Variants in TBC1D23 observed in about 807,000 individuals in gnomAD.
The protein encoded by TBC1D23 is TBC1 domain family member 23.
A neutral mutation model predicts 91.4 loss-of-function variants in TBC1D23; 55 were observed. The ratio of observed to expected loss-of-function variants is 0.60; its 90% CI spans 0.48 to 0.75. The LOEUF is 0.75. Ranked by LOEUF, TBC1D23 falls within the 30% of genes least tolerant of loss-of-function variation. The pLI is 0.00. For synonymous variants in TBC1D23, 289 were observed against 281.0 expected (o/e 1.03, Z -0.28); for missense variants, 725 against 836.1 (o/e 0.87, Z 1.64).
intron 13 of TBC1D23, 119 bp downstream of exon 13, chr3:100,306,662 A>G: frequency 1.7e-6 from 1 of 590,046 alleles, no homozygotes; most frequent in Non-Finnish European, 3.1e-6. Context: ...CATGCAATGA[A>G]GAGTCATATT....
chr3:100,295,688 A>G (rs2067832895), intron 7 of TBC1D23, among the ~76,000 whole-genome samples: 1 of 152,004 alleles, frequency 6.6e-6, no homozygotes, highest in South Asian at 2.1e-4. Context: ...CAATTGTGAA[A>G]CCTTGGTTCT....
At chr3:100,301,759 T>G (rs1311443831) in intron 10 of TBC1D23, 1 of 248,318 alleles carries the variant, frequency 4.0e-6, no homozygotes, top group Non-Finnish European at 7.6e-6. Flanking sequence ...TGTCTTGATA[T>G]CTAAGGATAC....
At chr3:100,306,614 C>T (rs544026034) in intron 13 of TBC1D23, 71 bp downstream of exon 13, 5 of 819,248 alleles carry the variant, frequency 6.1e-6, no homozygotes, top group East Asian at 2.6e-5. Flanking sequence ...CTACTAAACC[C>T]CCACCATAAC....
intron 17 of TBC1D23, 67 bp from the exon 18 acceptor site, chr3:100,320,710 A>G: frequency 1.0e-6 from 1 of 976,120 alleles, no homozygotes; most frequent in East Asian, 2.7e-5. Flanking sequence ...GATGGTTGAA[A>G]CAACACCTGT....
At chr3:100,295,240 TC>T (rs1248437922) in intron 6 of TBC1D23, 29 bp downstream of exon 6, 13 of 1,595,380 alleles carry the variant, frequency 8.1e-6, no homozygotes, top group Non-Finnish European at 1.1e-5. Context: ...AGATTTTTTT[TC>T]CTCTTTTCTC....
intron 9 of TBC1D23, 66 bp downstream of exon 9, chr3:100,298,111 C>G (rs959524939): frequency 7.1e-7 from 1 of 1,408,272 alleles, no homozygotes; most frequent in East Asian, 2.4e-5. Context: ...CAACTTCCTC[C>G]CTGTTCATTG....
At chr3:100,264,321 ATC>A (rs2067541180) in intron 1 of TBC1D23, among the ~76,000 whole-genome samples, 3 of 84,950 alleles carry the variant, frequency 3.5e-5, no homozygotes, top group African/African-American at 4.8e-5. Flanking sequence ...CTCTTTCTTT[ATC>A]TCTCTTTCTT....
At chr3:100,263,963 T>C (rs985201321) in intron 1 of TBC1D23, among the ~76,000 whole-genome samples, 4 of 152,242 alleles carry the variant, frequency 2.6e-5, no homozygotes, top group African/African-American at 7.2e-5. Context: ...TTTTCATGAA[T>C]GGAGGAACCC....
intron 1 of TBC1D23, among the ~76,000 whole-genome samples, chr3:100,278,450 A>G (rs1397817668): frequency 6.6e-6 from 1 of 151,812 alleles, no homozygotes; most frequent in African/African-American, 2.4e-5. Context: ...CAGTAGCATA[A>G]TCTTGGCTCA....
chr3:100,313,613 C>T (rs1333734853), intron 15 of TBC1D23, among the ~76,000 whole-genome samples: 5 of 152,086 alleles, frequency 3.3e-5, no homozygotes, highest in African/African-American at 1.2e-4. Context: ...TTTACTCATA[C>T]TTTCTGGTTA....
At chr3:100,270,746 ACAT>A (rs752672739) in intron 1 of TBC1D23, among the ~76,000 whole-genome samples, 3 of 152,158 alleles carry the variant, frequency 2.0e-5, no homozygotes, top group Non-Finnish European at 4.4e-5. Context: ...TTATTTTTTA[ACAT>A]CATGTCAGGC....
chr3:100,301,334 C>T (rs1332113642), intron 10 of TBC1D23, among the ~76,000 whole-genome samples: 1 of 151,558 alleles, frequency 6.6e-6, no homozygotes, highest in Non-Finnish European at 1.5e-5. Flanking sequence ...ATGAGAATGC[C>T]ATTGGCATTA....
At chr3:100,304,382 T>A (rs959291220) in intron 11 of TBC1D23, among the ~76,000 whole-genome samples, 8 of 152,118 alleles carry the variant, frequency 5.3e-5, no homozygotes, top group African/African-American at 9.7e-5. Flanking sequence ...TCTTTTTTTT[T>A]ATTTATATTA....
At chr3:100,312,248 C>T (rs1037558040) in intron 15 of TBC1D23, among the ~76,000 whole-genome samples, 1 of 152,108 alleles carries the variant, frequency 6.6e-6, no homozygotes, top group East Asian at 1.9e-4. Context: ...TCCCGCCTAG[C>T]AGCAGAGAAA....
intron 5 of TBC1D23, among the ~76,000 whole-genome samples, chr3:100,292,752 A>G (rs1032096153): frequency 6.6e-6 from 1 of 152,026 alleles, no homozygotes; most frequent in African/African-American, 2.4e-5. Context: ...GGCATGCACC[A>G]CCACACTTGG....
chr3:100,279,541 AC>A (rs1430027925), intron 1 of TBC1D23, 107 bp from the exon 2 acceptor site: 2 of 683,016 alleles, frequency 2.9e-6, no homozygotes, highest in Non-Finnish European at 4.9e-6. Context: ...GTTGCTGAGA[AC>A]TTTTGTTTCT....
At position 100,288,537 on chromosome 3, in the gene TBC1D23, A is replaced by G. The variant is rs146667949; in HGVS notation, c.477-2041A>G. Among the ~76,000 whole-genome samples the G allele has an allele frequency of 9.5e-4, 145 of 152,312 alleles. 1 individual carries two copies. Among genetic ancestry groups the G allele is most frequent in the African/African-American group, 3.4e-3 (143 of 41,568 alleles). ...GTTTTCCCATCTGTAAATTGGGTATATATTTCATAGGATTGTTTGATAAAA... is the reference window on the plus strand; with the variant it reads ...GTTTTCCCATCTGTAAATTGGGTATGTATTTCATAGGATTGTTTGATAAAA... On this transcript the variant is annotated intron_variant, in intron 4 of 18. Coordinates refer to ENST00000394144, the MANE Select transcript of TBC1D23 (RefSeq NM_001199198.3).
intron 13 of TBC1D23, among the ~76,000 whole-genome samples, chr3:100,309,675 A>G (rs1206220279): frequency 7.2e-6 from 1 of 138,462 alleles, no homozygotes. Context: ...GCAGTGGTAC[A>G]ATCTCAGCAC....
Position 100,290,576 on chromosome 3 carries a change from AG to A in TBC1D23, c.478del. ...AAAAATTTTGCTTCTCTTGTCTTCT[AG>A]GGATTGTTCCCAGAAAGGGAGACCA... On this transcript the variant is annotated splice_acceptor_variant, in intron 4 of 18. Coordinates refer to ENST00000394144, the MANE Select transcript of TBC1D23 (RefSeq NM_001199198.3). LOFTEE classifies it high-confidence loss of function. 1 of 1,612,584 alleles carries A rather than the reference AG, an allele frequency of 6.2e-7. No individual in the cohort carries two copies. Among genetic ancestry groups the A allele is most frequent in the Non-Finnish European group, 8.5e-7 (1 of 1,179,524 alleles).
Sources: allele counts gnomAD v4.1 joint callset (sites outside exome capture counted in the v4.1 genomes callset), GRCh38; gene constraint gnomAD v4.1.1; transcripts MANE v1.5; gene names NCBI Gene and HGNC (gene_info 2026-07-23, HGNC 2026-07-21).